AGBL4: variants seen among roughly 807,000 people sequenced by gnomAD.
AGBL4 encodes the protein cytosolic carboxypeptidase 6.
In AGBL4, 58 loss-of-function variants were observed where a neutral mutation model predicts 66.4. The ratio of observed to expected loss-of-function variants is 0.87; its 90% CI spans 0.71 to 1.09. The LOEUF (loss-of-function observed/expected upper bound fraction) is 1.09. Among genes scored for constraint, AGBL4 ranks in the 50% least tolerant of loss-of-function variants. AGBL4 has a pLI of 0.00. For synonymous variants in AGBL4, 234 were observed against 222.9 expected (o/e 1.05, Z -0.44); for missense variants, 579 against 631.0 (o/e 0.92, Z 0.88).
intron 4 of AGBL4, among the ~76,000 whole-genome samples, chr1:49,147,022 C>G (rs1646231416): frequency 6.6e-6 from 1 of 152,112 alleles, no homozygotes; most frequent in Non-Finnish European, 1.5e-5. Flanking sequence ...TATAGAGAAG[C>G]AGAAAAGCCA....
At chr1:49,045,439 ATTGT>A in intron 5 of AGBL4, 141 bp downstream of exon 5, 1 of 589,238 alleles carries the variant, frequency 1.7e-6, no homozygotes, top group Non-Finnish European at 2.9e-6. Context: ...TAATTATATA[ATTGT>A]TTAATTGTAG....
intron 4 of AGBL4, among the ~76,000 whole-genome samples, chr1:49,178,697 G>A (rs1646874980): frequency 6.6e-6 from 1 of 152,108 alleles, no homozygotes; most frequent in African/African-American, 2.4e-5. Context: ...TTTGTGCCTT[G>A]ATCACTGCTG....
intron 3 of AGBL4, among the ~76,000 whole-genome samples, chr1:49,270,822 C>A (rs1283547234): frequency 6.6e-6 from 1 of 151,982 alleles, no homozygotes; most frequent in Non-Finnish European, 1.5e-5. Flanking sequence ...AGTTTGACTC[C>A]TGAATTTTAA....
At chr1:49,228,448 AAT>A (rs1650069783) in intron 4 of AGBL4, among the ~76,000 whole-genome samples, 1 of 152,200 alleles carries the variant, frequency 6.6e-6, no homozygotes, top group Non-Finnish European at 1.5e-5. Context: ...TGAAATTTTC[AAT>A]AGGATAAGTA....
intron 1 of AGBL4, among the ~76,000 whole-genome samples, chr1:49,937,381 A>T (rs1442660783): frequency 1.4e-4 from 22 of 152,172 alleles, no homozygotes; most frequent in East Asian, 5.8e-4. Context: ...ACTCCCACAC[A>T]ATAATAATGG....
intron 12 of AGBL4, among the ~76,000 whole-genome samples, chr1:48,536,639 C>T (rs966768870): frequency 2.0e-5 from 3 of 152,150 alleles, no homozygotes; most frequent in Admixed American, 6.5e-5. Flanking sequence ...TGACAAGCCC[C>T]GTTACACACA....
chr1:49,834,694 C>T (rs1161900481), intron 2 of AGBL4, among the ~76,000 whole-genome samples: 1 of 152,118 alleles, frequency 6.6e-6, no homozygotes, highest in African/African-American at 2.4e-5. Flanking sequence ...TTCCCACTTT[C>T]TTCTGTGGGC....
Position 49,573,081 on chromosome 1 carries a change from G to A in AGBL4, c.282+124232C>T, listed in dbSNP as rs562830542. ...TACACACAAGTTATTATGGGACCTT[G>A]TGATGGTGTAAGTTAATATATAATA... On this transcript the variant is annotated intron_variant, in intron 3 of 13. Transcript: ENST00000371839. 1.1e-3 allele frequency among the ~76,000 whole-genome samples: 170 copies of A among 151,762 alleles called. 1 individual carries two copies. Among genetic ancestry groups the A allele is most frequent in the African/African-American group, 4.0e-3 (166 of 41,346 alleles).
chr1:49,322,539 A>G (rs1454067043), intron 3 of AGBL4, among the ~76,000 whole-genome samples: 1 of 152,256 alleles, frequency 6.6e-6, no homozygotes, highest in African/African-American at 2.4e-5. Flanking sequence ...AGATGAAATC[A>G]TCTTAGATTA....
intron 1 of AGBL4, among the ~76,000 whole-genome samples, chr1:50,021,932 T>C (rs950721202): frequency 2.0e-5 from 3 of 152,210 alleles, no homozygotes; most frequent in African/African-American, 7.2e-5. Context: ...CTCTTCTCTC[T>C]TCCCATTGCC....
At chr1:49,265,738 A>G (rs1388128668) in intron 3 of AGBL4, among the ~76,000 whole-genome samples, 3 of 152,232 alleles carry the variant, frequency 2.0e-5, no homozygotes, top group Non-Finnish European at 4.4e-5. Flanking sequence ...ATATATACGT[A>G]CATGAACCTA....
chr1:48,560,111 CCT>C (rs556966701), intron 11 of AGBL4, among the ~76,000 whole-genome samples: 264 of 152,278 alleles, frequency 1.7e-3, no homozygotes, highest in South Asian at 6.0e-3. Context: ...GAACTCGGAA[CCT>C]CTTTCATGAC....
At chr1:49,479,792 C>G (rs1430097463) in intron 3 of AGBL4, among the ~76,000 whole-genome samples, 1 of 151,134 alleles carries the variant, frequency 6.6e-6, no homozygotes, top group Non-Finnish European at 1.5e-5. Context: ...AGCTCCGCCT[C>G]CCGGGTTCAC....
At chr1:49,968,149 G>A (rs557991247) in intron 1 of AGBL4, among the ~76,000 whole-genome samples, 8 of 151,780 alleles carry the variant, frequency 5.3e-5, no homozygotes, top group African/African-American at 1.9e-4. Context: ...CTTGAACTCA[G>A]GAGGCAGAGG....
chr1:49,020,498 T>C (rs577915565), intron 5 of AGBL4, among the ~76,000 whole-genome samples: 46 of 152,284 alleles, frequency 3.0e-4, no homozygotes, highest in Admixed American at 2.8e-3. Flanking sequence ...AAAGACTCTA[T>C]GATATGGGAG....
chr1:48,902,270 T>G (rs1652155216), intron 5 of AGBL4, among the ~76,000 whole-genome samples: 1 of 152,194 alleles, frequency 6.6e-6, no homozygotes, highest in Non-Finnish European at 1.5e-5. Flanking sequence ...ATTAATTATA[T>G]CTCAATTAAT....
chr1:48,970,103 T>C (rs2148951893), intron 5 of AGBL4, among the ~76,000 whole-genome samples: 1 of 152,292 alleles, frequency 6.6e-6, no homozygotes, highest in East Asian at 1.9e-4. Flanking sequence ...TGTGACTCCA[T>C]ATCCTGTTCA....
intron 3 of AGBL4, among the ~76,000 whole-genome samples, chr1:49,261,074 T>C (rs1403911815): frequency 6.6e-6 from 1 of 152,056 alleles, no homozygotes; most frequent in Non-Finnish European, 1.5e-5. Flanking sequence ...ATTATCTCAA[T>C]AGATGCAGAA....
intron 11 of AGBL4, among the ~76,000 whole-genome samples, chr1:48,579,220 G>GT (rs554745244): frequency 1.2e-3 from 178 of 151,986 alleles, no homozygotes; most frequent in African/African-American, 4.2e-3. Flanking sequence ...CTATCATATT[G>GT]TTTTTTATTT....
Sources: allele counts gnomAD v4.1 joint callset (sites outside exome capture counted in the v4.1 genomes callset), GRCh38; gene constraint gnomAD v4.1.1; transcripts MANE v1.5; gene names NCBI Gene and HGNC (gene_info 2026-07-23, HGNC 2026-07-21).